Variants in LTBP1 observed in about 807,000 individuals in gnomAD.
The protein encoded by LTBP1 is latent transforming growth factor beta binding protein 1, also known as latent-transforming growth factor beta-binding protein 1.
In LTBP1, 129 loss-of-function variants were observed where a neutral mutation model predicts 207.6. The ratio of observed to expected loss-of-function variants is 0.62; its 90% confidence interval spans 0.54 to 0.72. The LOEUF (loss-of-function observed/expected upper bound fraction) is 0.72, where lower values mean the gene tolerates loss of function less well. Ranked by LOEUF, LTBP1 falls within the 30% of genes least tolerant of loss-of-function variation. The pLI, the probability that LTBP1 is intolerant of heterozygous loss-of-function variation, is 0.00. For synonymous variants in LTBP1, 963 were observed against 833.7 expected, an observed-to-expected ratio of 1.16 and a Z score of -2.67; for missense variants, 2,281 against 2,217.2, an observed-to-expected ratio of 1.03 and a Z score of -0.58.
intron 2 of LTBP1, among the ~76,000 whole-genome samples, chr2:32,992,060 T>G (rs572810218): frequency 3.3e-5 from 5 of 152,208 alleles, no homozygotes; most frequent in Admixed American, 6.5e-5. Flanking sequence ...GTTTTCTCAG[T>G]GTGCTTCTCT....
At chr2:33,030,857 T>C (rs1304328981) in intron 3 of LTBP1, among the ~76,000 whole-genome samples, 2 of 152,228 alleles carry the variant, frequency 1.3e-5, no homozygotes, top group African/African-American at 4.8e-5. Flanking sequence ...TATCACCTTA[T>C]GAAGCAATTT....
chr2:32,981,970 C>T (rs1322410660), intron 2 of LTBP1, among the ~76,000 whole-genome samples: 1 of 152,160 alleles, frequency 6.6e-6, no homozygotes, highest in African/African-American at 2.4e-5. Context: ...AAATCGGTAC[C>T]AGTAGAGTGG....
chr2:33,059,383 C>T (rs949973416), intron 3 of LTBP1, among the ~76,000 whole-genome samples: 9 of 152,168 alleles, frequency 5.9e-5, no homozygotes, highest in African/African-American at 2.2e-4. Context: ...TAATGAGACC[C>T]ATAAATCAAA....
intron 31 of LTBP1, among the ~76,000 whole-genome samples, chr2:33,377,260 G>A (rs1032416542): frequency 1.3e-5 from 2 of 152,150 alleles, no homozygotes; most frequent in East Asian, 1.9e-4. Flanking sequence ...TTGGAACGCC[G>A]ACCAGGGAGG....
chr2:33,046,914 T>C (rs1408977926), intron 3 of LTBP1, among the ~76,000 whole-genome samples: 1 of 152,244 alleles, frequency 6.6e-6, no homozygotes, highest in East Asian at 1.9e-4. Context: ...AGTCAAATAG[T>C]ATTCTCTGAT....
chr2:33,277,761 CTTT>C (rs2093462365), intron 18 of LTBP1, among the ~76,000 whole-genome samples: 3 of 24,334 alleles, frequency 1.2e-4, no homozygotes, highest in Non-Finnish European at 2.7e-4. Context: ...TTTTTTTTCC[CTTT>C]CTTTCTTTCT....
intron 20 of LTBP1, among the ~76,000 whole-genome samples, chr2:33,297,618 G>T (rs190584101): frequency 2.6e-5 from 4 of 152,124 alleles, no homozygotes; most frequent in Non-Finnish European, 5.9e-5. Context: ...TTTTAGTAGA[G>T]ATGGGGTTTC....
chr2:33,370,449 G>A (rs140471816), intron 31 of LTBP1, among the ~76,000 whole-genome samples: 33 of 152,276 alleles, frequency 2.2e-4, no homozygotes, highest in Admixed American at 5.2e-4. Flanking sequence ...GGCGGGGCGC[G>A]AGACACAGGA....
At chr2:33,266,777 G>T (rs1339146556) in intron 15 of LTBP1, among the ~76,000 whole-genome samples, 1 of 152,182 alleles carries the variant, frequency 6.6e-6, no homozygotes. Context: ...ACTCAGTGAA[G>T]CTCCTCTCCA....
chr2:33,110,669 G>T lies in LTBP1; in HGVS notation c.951G>T (p.Gln317His). Residue 317 changes from glutamine (Q) to histidine (H), a missense_variant, in exon 4 of 34, where the codon CAG (glutamine) becomes CAT (histidine). By Grantham distance (24) the Gln-to-His change is conservative. Coordinates refer to ENST00000404816, the MANE Select transcript of LTBP1 (RefSeq NM_206943.4). ...TCAAGCCCAAGTACTTTCCAGCCCAGAAGGGGATTTCAGGAGAGCAGTCCA... is the reference window on the plus strand; with the variant it reads ...TCAAGCCCAAGTACTTTCCAGCCCATAAGGGGATTTCAGGAGAGCAGTCCA... ...YVLKPKYFPA[Q>H]KGISGEQSTE... is the part of the protein sequence containing the mutation. The T allele has an allele frequency of 1.2e-6, 2 of 1,614,210 alleles. No homozygotes were observed. Among genetic ancestry groups the T allele is most frequent in the Non-Finnish European group, 1.7e-6 (2 of 1,180,030 alleles).
intron 3 of LTBP1, among the ~76,000 whole-genome samples, chr2:33,078,581 T>C (rs1290640871): frequency 6.6e-6 from 1 of 152,178 alleles, no homozygotes; most frequent in Non-Finnish European, 1.5e-5. Context: ...ATATGGACGA[T>C]TATGTTTAAT....
chr2:33,306,550 A>T (rs1358307700), intron 22 of LTBP1, among the ~76,000 whole-genome samples: 1 of 151,918 alleles, frequency 6.6e-6, no homozygotes, highest in African/African-American at 2.4e-5. Context: ...GGCCTGGGTG[A>T]TAGAGCAAAA....
At chr2:33,104,050 C>T (rs888464059) in intron 3 of LTBP1, among the ~76,000 whole-genome samples, 1 of 151,966 alleles carries the variant, frequency 6.6e-6, no homozygotes, top group Non-Finnish European at 1.5e-5. Flanking sequence ...TCTGTGAGGT[C>T]CAAAGCCCTT....
chr2:33,166,179 T>C (rs945505555), intron 5 of LTBP1, among the ~76,000 whole-genome samples: 1 of 152,106 alleles, frequency 6.6e-6, no homozygotes, highest in African/African-American at 2.4e-5. Flanking sequence ...GTGATTGTAT[T>C]TTGTAAAAAT....
intron 5 of LTBP1, among the ~76,000 whole-genome samples, chr2:33,137,097 G>A (rs993397695): frequency 3.9e-5 from 6 of 152,116 alleles, no homozygotes; most frequent in African/African-American, 1.4e-4. Flanking sequence ...CTTTCTTTAA[G>A]AATGGTAATT....
At position 32,947,816 on chromosome 2, in the gene LTBP1, G is replaced by A. The variant is rs1462815872; in HGVS notation, c.492G>A (p.Gln164=). The part of the protein sequence containing the change: ...RLQVHQKQQL[Q]GVNVCGGRCC... ...AGGTTCACCAGAAGCAGCAGCTGCA[G>A]GGGTAAGCCCACACCCCCTTCCGCC... Residue 164 remains glutamine (Q), a splice_region_variant and synonymous_variant, in exon 1 of 34, where the codon CAG becomes CAA. Coordinates refer to ENST00000404816, the MANE Select transcript of LTBP1 (RefSeq NM_206943.4). 6 of 1,422,322 alleles carry A rather than the reference G, an allele frequency of 4.2e-6. No individual in the cohort carries two copies. Among genetic ancestry groups the A allele is most frequent in the Non-Finnish European group, 5.6e-6 (6 of 1,079,992 alleles). 88.1% of individuals were successfully genotyped at this position (1,422,322 alleles called of 1,614,324 possible). A position where few individuals can be genotyped will look rare whatever the true frequency, so the allele number is the denominator to read the frequency against.
intron 26 of LTBP1, among the ~76,000 whole-genome samples, chr2:33,355,216 A>G (rs905522268): frequency 1.3e-5 from 2 of 151,418 alleles, no homozygotes; most frequent in African/African-American, 2.4e-5. Flanking sequence ...CCCCATCTCC[A>G]TATGTGCTTC....
intron 26 of LTBP1, among the ~76,000 whole-genome samples, chr2:33,357,052 A>G (rs576637242): frequency 7.9e-5 from 12 of 152,332 alleles, no homozygotes; most frequent in African/African-American, 2.6e-4. Context: ...GTAAATGGAA[A>G]GGGAGAGCCC....
At chr2:33,091,976 G>T (rs559219129) in intron 3 of LTBP1, among the ~76,000 whole-genome samples, 1 of 152,192 alleles carries the variant, frequency 6.6e-6, no homozygotes, top group Non-Finnish European at 1.5e-5. Context: ...CTGGCCAGGC[G>T]TGGGGCACCT....
Sources: gnomAD v4.1 joint callset for allele counts (sites outside exome capture counted in the v4.1 genomes callset) on GRCh38, gnomAD v4.1.1 for gene constraint, MANE v1.5 for transcripts, NCBI Gene and HGNC (gene_info 2026-07-23, HGNC 2026-07-21) for gene names.